SV2B: variants seen among roughly 807,000 people sequenced by gnomAD.
SV2B encodes synaptic vesicle glycoprotein 2B, also known as solute carrier family 22 member B2.
A neutral mutation model predicts 73.9 loss-of-function variants in SV2B; 41 were observed. The ratio of observed to expected loss-of-function variants is 0.56; its 90% CI spans 0.43 to 0.72. The LOEUF is 0.72. SV2B is among the 30% of genes least tolerant of loss of function. The probability of loss-of-function intolerance (pLI) is 0.00; values close to 1 mark genes in which losing one functional copy is unlikely to be tolerated. For missense variants in SV2B, 764 were observed against 857.8 expected, an observed-to-expected ratio of 0.89 and a Z score of 1.37; for synonymous variants, 314 against 314.2, an observed-to-expected ratio of 1.00 and a Z score of 0.01.
At position 91,245,772 on chromosome 15, in the gene SV2B, T is replaced by C. The variant is rs1166428604; in HGVS notation, c.452-6047T>C. ...ATGTGATACAAAGGAAAAGCAATAG[T>C]ATGCTGCCAAAAGACTATCAGGGAC... On this transcript the variant is annotated intron_variant, in intron 2 of 12. Coordinates refer to ENST00000394232, the MANE Select transcript of SV2B (RefSeq NM_001323032.3). This position sits in a 1 kb window ranked among gnomAD's most constrained non-coding sequence, Gnocchi z 4.2. Among the ~76,000 whole-genome samples, 1 of 152,070 alleles carries C rather than the reference T, an allele frequency of 6.6e-6. No homozygotes were observed. Among genetic ancestry groups the C allele is most frequent in the Non-Finnish European group, 1.5e-5 (1 of 68,014 alleles).
At chr15:91,225,702 T>A (rs538646600) in intron 1 of SV2B, among the ~76,000 whole-genome samples, 171 bp from the exon 2 acceptor site, 23 of 152,306 alleles carry the variant, frequency 1.5e-4, no homozygotes, top group African/African-American at 5.1e-4. Flanking sequence ...GCCTCCACTC[T>A]CACCGATTCA....
rs2042996924 is a variant in SV2B, at chr15:91,141,590, G to T, written c.-392+41227G>T. Among the ~76,000 whole-genome samples the T allele has an allele frequency of 6.6e-6, 1 of 152,176 alleles. No homozygotes were observed. Among genetic ancestry groups the T allele is most frequent in the Non-Finnish European group, 1.5e-5 (1 of 68,036 alleles). ...AGAGTGGTAAGGGTAATATCTACTTGAGAGGGCTCTTGTGAAGATTAAATG... is the reference window on the plus strand; with the variant it reads ...AGAGTGGTAAGGGTAATATCTACTTTAGAGGGCTCTTGTGAAGATTAAATG... On this transcript the variant is annotated intron_variant, in intron 1 of 12. Coordinates refer to ENST00000394232, the MANE Select transcript of SV2B (RefSeq NM_001323032.3). This position sits in a 1 kb window ranked among gnomAD's most constrained non-coding sequence, Gnocchi z 4.6.
intron 1 of SV2B, among the ~76,000 whole-genome samples, chr15:91,201,230 T>C (rs893858224): frequency 2.0e-5 from 3 of 152,194 alleles, no homozygotes; most frequent in Non-Finnish European, 4.4e-5. Flanking sequence ...CTCTTTGTAC[T>C]ATGTACAAAT....
chr15:91,111,455 C>A (rs894677128), intron 1 of SV2B, among the ~76,000 whole-genome samples: 2 of 152,154 alleles, frequency 1.3e-5, no homozygotes, highest in African/African-American at 4.8e-5. Flanking sequence ...GAGGTACATG[C>A]TGAGAGAATT....
At chr15:91,201,777 C>G (rs2045467860) in intron 1 of SV2B, among the ~76,000 whole-genome samples, 1 of 152,202 alleles carries the variant, frequency 6.6e-6, no homozygotes, top group East Asian at 1.9e-4. Context: ...CAGCATAGAT[C>G]TGACAGTTTC....
rs182144388 is a variant in SV2B, at chr15:91,280,154, C to T, written c.1374-1574C>T. Reference sequence around the variant, plus strand: ...GTCCTGCTTTTGGTGAACACTTGCCCGGGACTTCTTGTGTGGGGTCTTTTA... The same window carrying T: ...GTCCTGCTTTTGGTGAACACTTGCCTGGGACTTCTTGTGTGGGGTCTTTTA... On this transcript the variant is annotated intron_variant, in intron 9 of 12. Coordinates refer to ENST00000394232, the MANE Select transcript of SV2B (RefSeq NM_001323032.3). This position sits in a 1 kb window ranked among gnomAD's most constrained non-coding sequence, Gnocchi z 5.8. Among the ~76,000 whole-genome samples, 6 of 152,178 alleles carry T rather than the reference C, an allele frequency of 3.9e-5. No homozygotes were observed. Among genetic ancestry groups the T allele is most frequent in the Admixed American group, 1.3e-4 (2 of 15,284 alleles).
Position 91,224,030 on chromosome 15 carries a change from T to G in SV2B, c.-391-1843T>G, listed in dbSNP as rs574737877. Among the ~76,000 whole-genome samples the G allele has an allele frequency of 6.3e-4, 96 of 152,284 alleles. 1 individual carries two copies. The highest frequency in any genetic ancestry group is 1.9e-3 in the African/African-American group (77 of 41,550). ...AATGTTTGAGAACCACTGGTTTCCA[T>G]CCTCTCAGAAGGAAATGCATTGTAT... On this transcript the variant is annotated intron_variant, in intron 1 of 12. Coordinates refer to ENST00000394232, the MANE Select transcript of SV2B (RefSeq NM_001323032.3). The surrounding 1 kb of genome is among the most constrained non-coding windows in gnomAD (Gnocchi z 4.9).
intron 1 of SV2B, among the ~76,000 whole-genome samples, 198 bp from the exon 2 acceptor site, chr15:91,225,675 C>T (rs1006763506): frequency 6.6e-6 from 1 of 152,196 alleles, no homozygotes; most frequent in Admixed American, 6.5e-5. Flanking sequence ...TCTCTGACCA[C>T]GGTTCCTTCT....
At chr15:91,165,339 A>T (rs966622863) in intron 1 of SV2B, among the ~76,000 whole-genome samples, 6 of 152,154 alleles carry the variant, frequency 3.9e-5, no homozygotes, top group East Asian at 3.8e-4. Flanking sequence ...CTCAAAAAAA[A>T]ATTATTTTTT....
intron 1 of SV2B, among the ~76,000 whole-genome samples, chr15:91,158,752 C>CCT (rs111608666): frequency 0.21 from 11,825 of 57,486 alleles, 3,336 homozygotes; most frequent in Non-Finnish European, 0.22. Context: ...TCTCTCTCTG[C>CCT]CTCACTGTCT....
intron 1 of SV2B, among the ~76,000 whole-genome samples, chr15:91,148,728 C>T (rs2043220487): frequency 6.6e-6 from 1 of 152,212 alleles, no homozygotes; most frequent in Non-Finnish European, 1.5e-5. Flanking sequence ...AGTTGGCAAG[C>T]TGGAGACCCA....
At chr15:91,215,855 C>A (rs959773262) in intron 1 of SV2B, among the ~76,000 whole-genome samples, 2 of 151,948 alleles carry the variant, frequency 1.3e-5, no homozygotes, top group Admixed American at 1.3e-4. Flanking sequence ...AATTATTGTT[C>A]TGCATTTGTA....
intron 1 of SV2B, among the ~76,000 whole-genome samples, chr15:91,175,308 G>A (rs1245384890): frequency 6.6e-6 from 1 of 151,724 alleles, no homozygotes; most frequent in Non-Finnish European, 1.5e-5. Flanking sequence ...AGGCTGGAGT[G>A]CAAGGGCACG....
At chr15:91,163,672 C>T (rs556578973) in intron 1 of SV2B, among the ~76,000 whole-genome samples, 30 of 152,160 alleles carry the variant, frequency 2.0e-4, no homozygotes, top group Non-Finnish European at 2.8e-4. Context: ...TAGCCCTTGT[C>T]GGATGGGTAG....
rs2046501199 is a variant in SV2B at position 91,229,695 on chromosome 15, G to A, written c.451+2981G>A. Among the ~76,000 whole-genome samples the A allele has an allele frequency of 6.6e-6, 1 of 152,166 alleles. No individual in the cohort carries two copies. Among genetic ancestry groups the A allele is most frequent in the African/African-American group, 2.4e-5 (1 of 41,442 alleles). On this transcript the variant is annotated intron_variant, in intron 2 of 12. Transcript: ENST00000394232. The surrounding 1 kb of genome is among the most constrained non-coding windows in gnomAD (Gnocchi z 4.3). ...ATTTAACATGACTAAAACAGTACCTGCCCCTAATCAGTGCTCAAGATATCT... is the reference window on the plus strand; with the variant it reads ...ATTTAACATGACTAAAACAGTACCTACCCCTAATCAGTGCTCAAGATATCT...
intron 1 of SV2B, among the ~76,000 whole-genome samples, chr15:91,154,299 T>C (rs1422709944): frequency 6.6e-6 from 1 of 152,098 alleles, no homozygotes; most frequent in African/African-American, 2.4e-5. Flanking sequence ...ATTCATCTTT[T>C]TGTAGGCCTA....
rs1005113146 is a variant in SV2B, at chr15:91,122,821, A to G, written c.-392+22458A>G. On this transcript the variant is annotated intron_variant, in intron 1 of 12. Transcript: ENST00000394232. The surrounding 1 kb of genome is among the most constrained non-coding windows in gnomAD (Gnocchi z 4.3). Reference sequence around the variant, plus strand: ...CTAAAAAAGTTGAGCTCATCGAAGTAGAGAGTGGAATGGTAGTTACCAGGG... The same window carrying G: ...CTAAAAAAGTTGAGCTCATCGAAGTGGAGAGTGGAATGGTAGTTACCAGGG... 1.3e-5 allele frequency among the ~76,000 whole-genome samples: 2 copies of G among 152,206 alleles called. No homozygotes were observed. The highest frequency in any genetic ancestry group is 2.9e-5 in the Non-Finnish European group (2 of 68,036).
At chr15:91,187,765 T>C (rs1596545422) in intron 1 of SV2B, among the ~76,000 whole-genome samples, 3 of 152,166 alleles carry the variant, frequency 2.0e-5, no homozygotes, top group African/African-American at 7.2e-5. Context: ...TAACTGAATA[T>C]TTTTCTATAT....
chr15:91,184,810 A>G (rs567229850), intron 1 of SV2B, among the ~76,000 whole-genome samples: 5 of 152,224 alleles, frequency 3.3e-5, no homozygotes, highest in African/African-American at 4.8e-5. Flanking sequence ...TGCTGGTTTA[A>G]AAACTCTAAG....
Sources: gnomAD v4.1 joint callset for allele counts (sites outside exome capture counted in the v4.1 genomes callset) on GRCh38, gnomAD v4.1.1 for gene constraint, Gnocchi (gnomAD v3.1) non-coding constraint, MANE v1.5 for transcripts, NCBI Gene and HGNC (gene_info 2026-07-23, HGNC 2026-07-21) for gene names.